SYT9: variants seen among roughly 807,000 people sequenced by gnomAD.
SYT9 encodes synaptotagmin-9.
A neutral mutation model predicts 48.4 loss-of-function variants in SYT9; 22 were observed. The ratio of observed to expected loss-of-function variants is 0.45; its 90% CI spans 0.32 to 0.65. SYT9 has a LOEUF of 0.65. Ranked by LOEUF, SYT9 falls within the 30% of genes least tolerant of loss-of-function variation. The pLI, the probability that SYT9 is intolerant of heterozygous loss-of-function variation, is 0.03. For synonymous variants in SYT9, 265 were observed against 245.0 expected, an observed-to-expected ratio of 1.08 and a Z score of -0.76; for missense variants, 577 against 622.0, an observed-to-expected ratio of 0.93 and a Z score of 0.77.
At chr11:7,421,632 C>T (rs913994938) in intron 6 of SYT9, among the ~76,000 whole-genome samples, 4 of 152,168 alleles carry the variant, frequency 2.6e-5, no homozygotes, top group Non-Finnish European at 4.4e-5. Flanking sequence ...CATTCTTCCC[C>T]TACTTATCTT....
intron 1 of SYT9, among the ~76,000 whole-genome samples, chr11:7,295,125 G>A (rs1336419647): frequency 6.6e-6 from 1 of 152,214 alleles, no homozygotes; most frequent in Non-Finnish European, 1.5e-5. Context: ...AATGTGGATA[G>A]ACTGAGAATT....
At chr11:7,414,802 G>C (rs532916576) in intron 3 of SYT9, among the ~76,000 whole-genome samples, 1 of 152,188 alleles carries the variant, frequency 6.6e-6, no homozygotes, top group African/African-American at 2.4e-5. Flanking sequence ...TTCCAGAGCC[G>C]AATCTGTGCT....
At chr11:7,286,054 G>T (rs1298611092) in intron 1 of SYT9, among the ~76,000 whole-genome samples, 2 of 152,174 alleles carry the variant, frequency 1.3e-5, no homozygotes, top group Non-Finnish European at 2.9e-5. Flanking sequence ...TATCCTTCTG[G>T]GGTCTGGAGG....
intron 1 of SYT9, among the ~76,000 whole-genome samples, chr11:7,272,907 T>C (rs1324019056): frequency 1.3e-5 from 2 of 152,192 alleles, no homozygotes; most frequent in Non-Finnish European, 2.9e-5. Flanking sequence ...TTAGGGACCC[T>C]CAATGAGTTA....
chr11:7,254,322 G>A (rs1847927017), intron 1 of SYT9, among the ~76,000 whole-genome samples: 1 of 152,126 alleles, frequency 6.6e-6, no homozygotes, highest in South Asian at 2.1e-4. Flanking sequence ...GGACAGGGGT[G>A]GGGGTTTTCG....
chr11:7,449,498 T>C (rs543112618), intron 6 of SYT9, among the ~76,000 whole-genome samples: 128 of 151,972 alleles, frequency 8.4e-4, no homozygotes, highest in Non-Finnish European at 1.5e-3. Flanking sequence ...AGAAAGTGGA[T>C]AGAAAGTTTA....
chr11:7,280,192 T>G (rs530986222), intron 1 of SYT9, among the ~76,000 whole-genome samples: 1 of 152,376 alleles, frequency 6.6e-6, no homozygotes, highest in South Asian at 2.1e-4. Flanking sequence ...AAATACACAT[T>G]GCATTTTATT....
upstream of SYT9, among the ~76,000 whole-genome samples, chr11:7,251,431 C>T (rs1206868363): frequency 1.3e-5 from 2 of 152,166 alleles, no homozygotes; most frequent in African/African-American, 4.8e-5. Context: ...TCGAAAAGGG[C>T]CTGTGCTTGG....
chr11:7,399,525 T>G (rs1220404589), intron 3 of SYT9, among the ~76,000 whole-genome samples: 1 of 152,214 alleles, frequency 6.6e-6, no homozygotes, highest in Non-Finnish European at 1.5e-5. Context: ...TTTTAAAAGA[T>G]TTTTGGTAAT....
chr11:7,296,894 T>A (rs1848818835), intron 1 of SYT9, among the ~76,000 whole-genome samples: 1 of 152,118 alleles, frequency 6.6e-6, no homozygotes, highest in African/African-American at 2.4e-5. Context: ...CTGTTTCCAC[T>A]CTCTAATTAC....
chr11:7,341,014 G>C (rs867992704), intron 3 of SYT9, among the ~76,000 whole-genome samples: 2 of 152,160 alleles, frequency 1.3e-5, no homozygotes, highest in Non-Finnish European at 2.9e-5. Context: ...CAAAGATGAT[G>C]GTCTGTCCCT....
upstream of SYT9, among the ~76,000 whole-genome samples, chr11:7,246,969 G>A (rs1304008928): frequency 6.6e-6 from 1 of 152,220 alleles, no homozygotes; most frequent in Non-Finnish European, 1.5e-5. Context: ...AGAAGTCTGG[G>A]AAGTCCAAGC....
chr11:7,396,930 A>G (rs1011033252), intron 3 of SYT9, among the ~76,000 whole-genome samples: 2 of 152,200 alleles, frequency 1.3e-5, no homozygotes, highest in African/African-American at 4.8e-5. Context: ...TTTTACAAAT[A>G]TCATTCAGCA....
intron 1 of SYT9, among the ~76,000 whole-genome samples, chr11:7,242,978 G>A (rs569511359): frequency 2.8e-4 from 42 of 152,020 alleles, no homozygotes; most frequent in Non-Finnish European, 5.6e-4. Flanking sequence ...CCCGGGAGGC[G>A]GAGGTTGCAG....
intron 6 of SYT9, among the ~76,000 whole-genome samples, chr11:7,451,954 G>T (rs1162843627): frequency 2.4e-4 from 37 of 152,108 alleles, no homozygotes; most frequent in Admixed American, 2.4e-3. Flanking sequence ...CTGCTGGTTG[G>T]ATTCCAACTC....
intron 3 of SYT9, among the ~76,000 whole-genome samples, chr11:7,405,275 C>T (rs986483453): frequency 9.9e-5 from 15 of 152,100 alleles, no homozygotes; most frequent in Non-Finnish European, 1.9e-4. Flanking sequence ...TCTGCATCAT[C>T]CCTGAGCTCT....
intron 4 of SYT9, 43 bp from the exon 5 acceptor site, chr11:7,417,914 A>G (rs767204901): frequency 5.7e-6 from 9 of 1,591,164 alleles, no homozygotes; most frequent in Non-Finnish European, 6.8e-6. Flanking sequence ...ACCTAAATCT[A>G]TACGTATCCT....
chr11:7,357,184 T>C (rs952264583), intron 3 of SYT9, among the ~76,000 whole-genome samples: 6 of 152,298 alleles, frequency 3.9e-5, no homozygotes, highest in Middle Eastern at 6.8e-3. Flanking sequence ...GAGATTTTTT[T>C]CCCCTAAACC....
At chr11:7,410,908 G>A (rs985640505) in intron 3 of SYT9, among the ~76,000 whole-genome samples, 8 of 151,916 alleles carry the variant, frequency 5.3e-5, no homozygotes, top group Non-Finnish European at 8.8e-5. Flanking sequence ...AGGCTGGAGC[G>A]CAATGGCGCA....
Sources: gnomAD v4.1 joint callset for allele counts (sites outside exome capture counted in the v4.1 genomes callset) on GRCh38, gnomAD v4.1.1 for gene constraint, MANE v1.5 for transcripts, NCBI Gene and HGNC (gene_info 2026-07-23, HGNC 2026-07-21) for gene names.